Variants in RBM47 observed in about 807,000 individuals in gnomAD.
The protein encoded by RBM47 is RNA binding motif protein 47, also known as RNA-binding protein 47.
A neutral mutation model predicts 47.1 loss-of-function variants in RBM47; 21 were observed. The observed-to-expected ratio is 0.45, with a 90% CI of 0.32 to 0.64. The LOEUF is 0.64. Ranked by LOEUF, RBM47 falls within the 30% of genes least tolerant of loss-of-function variation. RBM47 has a pLI of 0.05. For synonymous variants in RBM47, 375 were observed against 361.7 expected (o/e 1.04, Z -0.42); for missense variants, 708 against 870.9 (o/e 0.81, Z 2.35).
chr4:40,436,254 A>C (rs1176102537), intron 5 of RBM47, among the ~76,000 whole-genome samples, 187 bp downstream of exon 5: 1 of 152,098 alleles, frequency 6.6e-6, no homozygotes, highest in Non-Finnish European at 1.5e-5. Flanking sequence ...TCAAAGCTAC[A>C]CCATCCCCTG....
intron 1 of RBM47, among the ~76,000 whole-genome samples, chr4:40,618,881 T>C (rs1286037998): frequency 7.1e-6 from 1 of 141,708 alleles, no homozygotes; most frequent in Non-Finnish European, 1.5e-5. Flanking sequence ...GGAATCTCAG[T>C]AAACACACCC....
intron 1 of RBM47, among the ~76,000 whole-genome samples, chr4:40,580,820 G>A (rs1184392746): frequency 1.3e-5 from 2 of 152,218 alleles, no homozygotes; most frequent in Non-Finnish European, 2.9e-5. Flanking sequence ...CAGAGGAATG[G>A]GACAGAGATT....
At chr4:40,586,926 G>T (rs761736451) in intron 1 of RBM47, among the ~76,000 whole-genome samples, 19 of 152,086 alleles carry the variant, frequency 1.2e-4, no homozygotes, top group Non-Finnish European at 2.4e-4. Context: ...TTCAGACAAC[G>T]GCATGACCTT....
At chr4:40,439,241 C>T (rs73809030) in intron 3 of RBM47, among the ~76,000 whole-genome samples, 2,761 of 152,272 alleles carry the variant, frequency 0.018, 45 homozygotes, top group East Asian at 0.051. Flanking sequence ...AAAAACCTCA[C>T]GTTCTTTTGC....
At chr4:40,448,107 A>G (rs1266970571) in intron 3 of RBM47, among the ~76,000 whole-genome samples, 2 of 152,088 alleles carry the variant, frequency 1.3e-5, no homozygotes, top group African/African-American at 4.8e-5. Flanking sequence ...TGAGGTAGAG[A>G]ATTGCTTGAA....
chr4:40,471,568 A>G (rs1258135333), intron 2 of RBM47, among the ~76,000 whole-genome samples: 1 of 151,942 alleles, frequency 6.6e-6, no homozygotes, highest in African/African-American at 2.4e-5. Context: ...GTGGTGGCAC[A>G]CACCTGTAAT....
intron 2 of RBM47, among the ~76,000 whole-genome samples, chr4:40,473,678 C>T: frequency 6.6e-6 from 1 of 152,158 alleles, no homozygotes; most frequent in Non-Finnish European, 1.5e-5. Context: ...GGTGTTCTGA[C>T]TTGTTTCCTA....
At chr4:40,520,213 A>G (rs967875769) in intron 2 of RBM47, among the ~76,000 whole-genome samples, 2 of 152,194 alleles carry the variant, frequency 1.3e-5, no homozygotes, top group African/African-American at 4.8e-5. Context: ...GGCACATAAA[A>G]GTCTCATGCT....
At chr4:40,540,651 A>T (rs6814937) in intron 2 of RBM47, among the ~76,000 whole-genome samples, 5,981 of 116,944 alleles carry the variant, frequency 0.051, 187 homozygotes, top group Middle Eastern at 0.1. Flanking sequence ...AAAAAAAAAA[A>T]AATAATAATA....
intron 1 of RBM47, among the ~76,000 whole-genome samples, chr4:40,622,890 A>G (rs1282581136): frequency 1.3e-5 from 2 of 152,038 alleles, no homozygotes; most frequent in East Asian, 1.9e-4. Flanking sequence ...TCAAAAAATA[A>G]AAGAGTCACT....
At chr4:40,578,556 T>C (rs890796727) in intron 1 of RBM47, among the ~76,000 whole-genome samples, 1 of 152,238 alleles carries the variant, frequency 6.6e-6, no homozygotes, top group Non-Finnish European at 1.5e-5. Flanking sequence ...TCCATTCATT[T>C]TCAGTGTTCT....
chr4:40,617,494 G>A (rs2154280584), intron 1 of RBM47, among the ~76,000 whole-genome samples: 1 of 152,140 alleles, frequency 6.6e-6, no homozygotes, highest in Non-Finnish European at 1.5e-5. Flanking sequence ...GGGAGGCAGA[G>A]GTTGCAGTGA....
At position 40,436,547 on chromosome 4, in the gene RBM47, A is replaced by C; in HGVS notation, c.1224T>G (p.Tyr408Ter). Residue 408 changes from tyrosine (Y) to a stop codon, truncating the protein, a stop_gained, in exon 5 of 7, where the codon TAT becomes TAG. Coordinates refer to ENST00000295971, the MANE Select transcript of RBM47 (RefSeq NM_001098634.2). LOFTEE classifies it high-confidence loss of function. ...TTCCTTTCCCTTCATGATATCGGCT[A>C]TATATACCACGACCAGCAGAATATC... ...LGGYSAGRGI[Y>*]SRYHEGKGKQ... is the part of the protein sequence containing the mutation. 1 of 1,614,166 alleles carries C rather than the reference A, an allele frequency of 6.2e-7. No individual in the cohort carries two copies. Among genetic ancestry groups the C allele is most frequent in the Non-Finnish European group, 8.5e-7 (1 of 1,180,012 alleles).
At chr4:40,464,561 C>A (rs576100611) in intron 3 of RBM47, among the ~76,000 whole-genome samples, 1 of 151,802 alleles carries the variant, frequency 6.6e-6, no homozygotes, top group Non-Finnish European at 1.5e-5. Flanking sequence ...TAACTGAAAC[C>A]GAGAAAAGTG....
intron 1 of RBM47, among the ~76,000 whole-genome samples, chr4:40,576,243 T>TG (rs1732301100): frequency 2.5e-5 from 1 of 40,310 alleles, no homozygotes; most frequent in African/African-American, 1.9e-4. Flanking sequence ...CTTTTCTGTT[T>TG]TTTTTTTTTT....
rs115261136 is a variant in RBM47 at position 40,599,367 on chromosome 4, C to T, written c.-240+30029G>A. ...AAATAGGTACTTACACTTACCACCCCCAACCCAGGAAAATGGAAACCCATT... is the reference window on the plus strand; with the variant it reads ...AAATAGGTACTTACACTTACCACCCTCAACCCAGGAAAATGGAAACCCATT... On this transcript the variant is annotated intron_variant, in intron 1 of 6. Coordinates refer to ENST00000295971, the MANE Select transcript of RBM47 (RefSeq NM_001098634.2). Among the ~76,000 whole-genome samples the T allele has an allele frequency of 2.7e-3, 414 of 152,254 alleles. 2 individuals carry two copies. Among genetic ancestry groups the T allele is most frequent in the African/African-American group, 9.2e-3 (383 of 41,556 alleles).
chr4:40,455,924 A>C (rs1369906637), intron 3 of RBM47, among the ~76,000 whole-genome samples: 4 of 152,236 alleles, frequency 2.6e-5, no homozygotes, highest in African/African-American at 7.2e-5. Context: ...CTGGCAAGAT[A>C]CTTTTTAAAA....
Position 40,575,538 on chromosome 4 carries a change from G to A in RBM47, c.-239-31032C>T, listed in dbSNP as rs1167166158. Among the ~76,000 whole-genome samples, 5 of 101,084 alleles carry A rather than the reference G, an allele frequency of 4.9e-5. No homozygotes were observed. In the Admixed American group the frequency reaches 6.0e-4, roughly 12 times the overall value. The allele number at this position is 101,084 out of a possible 152,430, so 66.3% of individuals were successfully genotyped here. ...CTGCACTCCAGCCTGGGCAACAAGA[G>A]CGAAACTCCATCTCAAAAAAAAAAA... On this transcript the variant is annotated intron_variant, in intron 1 of 6. Coordinates refer to ENST00000295971, the MANE Select transcript of RBM47 (RefSeq NM_001098634.2).
At chr4:40,444,321 T>C (rs528384995) in intron 3 of RBM47, among the ~76,000 whole-genome samples, 44 of 152,338 alleles carry the variant, frequency 2.9e-4, no homozygotes, top group African/African-American at 1.1e-3. Context: ...ATTGTAATTA[T>C]ATGTGCTTTA....
Sources: gnomAD v4.1 joint callset for allele counts (sites outside exome capture counted in the v4.1 genomes callset) on GRCh38, gnomAD v4.1.1 for gene constraint, MANE v1.5 for transcripts, NCBI Gene and HGNC (gene_info 2026-07-23, HGNC 2026-07-21) for gene names.